The following DRC8 variants were observed in gnomAD, a reference collection of about 807,000 sequenced individuals.
DRC8 encodes dynein regulatory complex subunit 8, also known as dynein regulatory complex protein 8.
the DRC8 span, among the ~76,000 whole-genome samples, chr1:245,070,795 A>G: frequency 6.6e-5 from 10 of 152,204 alleles, no homozygotes; most frequent in African/African-American, 2.2e-4. Flanking sequence ...TGGAGCTTAA[A>G]CCCCAATGAG....
chr1:245,057,837 AT>A, the DRC8 span, among the ~76,000 whole-genome samples: 51 of 152,078 alleles, frequency 3.4e-4, no homozygotes, highest in Non-Finnish European at 6.2e-4. Context: ...AATAGAATAA[AT>A]TGTTCACTCT....
At chr1:245,100,790 AAAT>A in the DRC8 span, among the ~76,000 whole-genome samples, 5,485 of 150,578 alleles carry the variant, frequency 0.036, 338 homozygotes, top group African/African-American at 0.12. Context: ...TCAACAAAAT[AAAT>A]AATAATAATA....
chr1:245,035,687 T>C, the DRC8 span, among the ~76,000 whole-genome samples: 55,564 of 151,714 alleles, frequency 0.37, 10,494 homozygotes, highest in African/African-American at 0.47. Context: ...GCCAACGTGG[T>C]GAAACCCCAT....
chr1:245,096,739 G>A, the DRC8 span, among the ~76,000 whole-genome samples: 4 of 152,254 alleles, frequency 2.6e-5, no homozygotes, highest in African/African-American at 4.8e-5. Context: ...CAATACTGGG[G>A]GGTGAGAATG....
chr1:245,017,291 C>A, the DRC8 span: 1 of 1,608,994 alleles, frequency 6.2e-7, no homozygotes, highest in Non-Finnish European at 8.5e-7. Flanking sequence ...CATTTGAAGT[C>A]TTTGACCATG....
chr1:245,012,216 G>A, the DRC8 span, among the ~76,000 whole-genome samples: 21 of 152,034 alleles, frequency 1.4e-4, no homozygotes, highest in Admixed American at 2.6e-4. Flanking sequence ...AATAAAGTTA[G>A]TGCCTGTTCT....
chr1:245,041,119 GAGATA>G, the DRC8 span, among the ~76,000 whole-genome samples: 1 of 152,120 alleles, frequency 6.6e-6, no homozygotes, highest in South Asian at 2.1e-4. Context: ...AGTAATTTTC[GAGATA>G]AGAACTTTAA....
chr1:245,038,208 C>T, the DRC8 span, among the ~76,000 whole-genome samples: 36 of 152,150 alleles, frequency 2.4e-4, no homozygotes, highest in African/African-American at 4.3e-4. Flanking sequence ...TGGTGGCTCA[C>T]ACCTGTAATC....
At chr1:245,050,080 T>A in the DRC8 span, among the ~76,000 whole-genome samples, 2 of 152,152 alleles carry the variant, frequency 1.3e-5, no homozygotes, top group Non-Finnish European at 2.9e-5. Context: ...TCCATGCAGA[T>A]CATGATCCTG....
the DRC8 span, among the ~76,000 whole-genome samples, chr1:245,028,044 A>G: frequency 6.6e-6 from 1 of 152,128 alleles, no homozygotes; most frequent in East Asian, 1.9e-4. Context: ...GGTACACGCT[A>G]CCACACCCAG....
the DRC8 span, chr1:245,122,250 G>C: frequency 5.5e-6 from 1 of 182,836 alleles, no homozygotes. Context: ...TTGTCTAGCT[G>C]TTCTCTTCTC....
chr1:245,104,429 G>A, the DRC8 span, among the ~76,000 whole-genome samples: 1 of 151,914 alleles, frequency 6.6e-6, no homozygotes, highest in South Asian at 2.1e-4. Flanking sequence ...ACTTGAACCT[G>A]GGAGGCGGAG....
chr1:245,020,744 C>G, the DRC8 span, among the ~76,000 whole-genome samples: 10 of 150,566 alleles, frequency 6.6e-5, no homozygotes, highest in African/African-American at 2.4e-4. Flanking sequence ...ATCAGCCTCC[C>G]AAGTAGCTGG....
the DRC8 span, among the ~76,000 whole-genome samples, chr1:245,116,848 A>C: frequency 6.6e-6 from 1 of 152,208 alleles, no homozygotes; most frequent in East Asian, 1.9e-4. Flanking sequence ...TGTGTAGTAC[A>C]AAATATTTTG....
chr1:245,040,715 G>A, the DRC8 span, among the ~76,000 whole-genome samples: 3 of 152,206 alleles, frequency 2.0e-5, no homozygotes, highest in Non-Finnish European at 2.9e-5. Flanking sequence ...GTTGAGGCGG[G>A]AGGATCGATT....
the DRC8 span, among the ~76,000 whole-genome samples, chr1:244,974,441 C>A: frequency 6.6e-6 from 1 of 152,150 alleles, no homozygotes; most frequent in East Asian, 1.9e-4. Flanking sequence ...TTCTTTGTTA[C>A]TTTGCGTGCT....
chr1:245,065,337 G>C, the DRC8 span, among the ~76,000 whole-genome samples: 10 of 151,946 alleles, frequency 6.6e-5, no homozygotes, highest in African/African-American at 1.7e-4. Context: ...ATAGGTATGA[G>C]CCACCGCGCC....
At chr1:244,999,032 A>C in the DRC8 span, among the ~76,000 whole-genome samples, 1 of 149,886 alleles carries the variant, frequency 6.7e-6, no homozygotes. Flanking sequence ...TTCCCTCAAA[A>C]GACAACGAAT....
the DRC8 span, among the ~76,000 whole-genome samples, chr1:245,090,501 C>G: frequency 6.6e-6 from 1 of 152,302 alleles, no homozygotes; most frequent in East Asian, 1.9e-4. Context: ...CGTACATGAA[C>G]TCATTTCATC....
Sources: allele counts gnomAD v4.1 joint callset (sites outside exome capture counted in the v4.1 genomes callset), GRCh38; gene constraint gnomAD v4.1.1; transcripts MANE v1.5; gene names NCBI Gene and HGNC (gene_info 2026-07-23, HGNC 2026-07-21).